FRMD4A: variants seen among roughly 807,000 people sequenced by gnomAD.
FRMD4A encodes FERM domain containing 4A, also known as FERM domain-containing protein 4A.
In FRMD4A, 29 loss-of-function variants were observed where a neutral mutation model predicts 129.1. The observed-to-expected ratio is 0.22, with a 90% confidence interval of 0.17 to 0.31. The LOEUF is 0.31. Ranked by LOEUF, FRMD4A falls within the 10% of genes least tolerant of loss-of-function variation. FRMD4A has a pLI of 1.00. For synonymous variants in FRMD4A, 634 were observed against 571.6 expected, an observed-to-expected ratio of 1.11 and a Z score of -1.56; for missense variants, 1,272 against 1,375.8, an observed-to-expected ratio of 0.92 and a Z score of 1.19.
intron 2 of FRMD4A, among the ~76,000 whole-genome samples, chr10:14,011,405 G>A (rs915390534): frequency 1.3e-5 from 2 of 152,110 alleles, no homozygotes; most frequent in Admixed American, 1.3e-4. Flanking sequence ...TAGAGCCAGG[G>A]GCCAGGTCAC....
At chr10:14,276,888 T>C (rs1230346903) in intron 2 of FRMD4A, among the ~76,000 whole-genome samples, 1 of 152,100 alleles carries the variant, frequency 6.6e-6, no homozygotes, top group East Asian at 1.9e-4. Flanking sequence ...TTTATTTGAG[T>C]CAGGGTCTCA....
chr10:13,968,316 TA>T (rs1418904082), intron 2 of FRMD4A, among the ~76,000 whole-genome samples: 1 of 152,214 alleles, frequency 6.6e-6, no homozygotes, highest in African/African-American at 2.4e-5. Context: ...AAGTACTGCT[TA>T]AAATCGCTAA....
intron 2 of FRMD4A, among the ~76,000 whole-genome samples, chr10:13,988,776 G>GTCTA (rs887584327): frequency 7.9e-5 from 12 of 151,762 alleles, no homozygotes; most frequent in Admixed American, 4.6e-4. Flanking sequence ...CTATCCATCC[G>GTCTA]TCTATCTATC....
chr10:14,039,832 G>A (rs1165873690), intron 2 of FRMD4A, among the ~76,000 whole-genome samples: 3 of 152,092 alleles, frequency 2.0e-5, no homozygotes, highest in Admixed American at 6.5e-5. Flanking sequence ...GGCGCATGTC[G>A]TCAGGACCTC....
chr10:14,185,456 A>T (rs764112259), intron 2 of FRMD4A, among the ~76,000 whole-genome samples: 5 of 152,358 alleles, frequency 3.3e-5, no homozygotes, highest in Non-Finnish European at 7.3e-5. Flanking sequence ...CGTGGCAGAA[A>T]TTAGTACAAA....
chr10:14,088,278 C>G (rs193075564), intron 2 of FRMD4A, among the ~76,000 whole-genome samples: 211 of 151,906 alleles, frequency 1.4e-3, no homozygotes, highest in African/African-American at 4.7e-3. Flanking sequence ...GAAACCCTGT[C>G]TCTATTTAAA....
At chr10:14,097,175 A>G (rs1230095482) in intron 2 of FRMD4A, 3 of 149,658 alleles carry the variant, frequency 2.0e-5, no homozygotes, top group Non-Finnish European at 3.0e-5. Flanking sequence ...AAAGAAAAGA[A>G]AAGAAAAGGT....
At chr10:13,857,819 GAAC>G (rs35119276) in intron 3 of FRMD4A, among the ~76,000 whole-genome samples, 73,253 of 151,684 alleles carry the variant, frequency 0.48, 17,612 homozygotes, top group East Asian at 0.63. Context: ...AATTGGCATT[GAAC>G]AACAGATCTG....
At position 14,038,115 on chromosome 10, in the gene FRMD4A, G is replaced by A. The variant is rs143055851; in HGVS notation, c.46-179203C>T. On this transcript the variant is annotated intron_variant, in intron 2 of 24. Transcript: ENST00000357447. ...AGGCGGGTGGATCACGAAGTCAGGA[G>A]ATCGAGACCATCCTGGCTAACACAG... is the stretch of plus-strand genomic sequence containing the variant. 1.4e-3 allele frequency among the ~76,000 whole-genome samples: 209 copies of A among 152,316 alleles called. 1 individual carries two copies. The highest frequency in any genetic ancestry group is 4.6e-3 in the African/African-American group (190 of 41,578).
intron 17 of FRMD4A, among the ~76,000 whole-genome samples, chr10:13,666,784 G>T (rs747020990): frequency 6.6e-6 from 1 of 152,048 alleles, no homozygotes; most frequent in Non-Finnish European, 1.5e-5. Context: ...GCTAATGCAC[G>T]GGCCTCTGAC....
intron 2 of FRMD4A, among the ~76,000 whole-genome samples, chr10:13,946,932 A>G (rs770733245): frequency 4.6e-5 from 7 of 152,138 alleles, no homozygotes; most frequent in Non-Finnish European, 5.9e-5. Flanking sequence ...CAGACATGGG[A>G]CAAATGATTA....
chr10:14,263,340 G>A (rs1053692797), intron 2 of FRMD4A, among the ~76,000 whole-genome samples: 6 of 152,196 alleles, frequency 3.9e-5, no homozygotes, highest in African/African-American at 1.4e-4. Context: ...GGGGGAAGGG[G>A]ACGGGCCCCA....
intron 2 of FRMD4A, among the ~76,000 whole-genome samples, chr10:14,103,747 C>A (rs2131779372): frequency 6.6e-6 from 1 of 152,276 alleles, no homozygotes; most frequent in South Asian, 2.1e-4. Context: ...ACTTGCCCGC[C>A]CTATGGCCAG....
chr10:13,814,891 G>C (rs780023269), intron 3 of FRMD4A, among the ~76,000 whole-genome samples: 2 of 152,060 alleles, frequency 1.3e-5, no homozygotes, highest in African/African-American at 4.8e-5. Flanking sequence ...TTGGGGAAGG[G>C]AGATGAACCC....
At chr10:14,220,742 C>T (rs545923444) in intron 2 of FRMD4A, among the ~76,000 whole-genome samples, 2 of 151,970 alleles carry the variant, frequency 1.3e-5, no homozygotes, top group East Asian at 3.9e-4. Context: ...GGCTTGGCAG[C>T]CCTGGCATAC....
chr10:13,768,349 C>A (rs57290641), intron 6 of FRMD4A, among the ~76,000 whole-genome samples: 3,856 of 152,186 alleles, frequency 0.025, 87 homozygotes, highest in African/African-American at 0.053. Flanking sequence ...AGCCGGAGGG[C>A]CTCTTTGCTC....
At chr10:13,892,816 A>G (rs537092068) in intron 2 of FRMD4A, among the ~76,000 whole-genome samples, 1 of 152,182 alleles carries the variant, frequency 6.6e-6, no homozygotes, top group Non-Finnish European at 1.5e-5. Flanking sequence ...GAGGACTTAC[A>G]AACTTCGTAA....
At chr10:14,167,391 G>T (rs927122014) in intron 2 of FRMD4A, among the ~76,000 whole-genome samples, 1 of 151,780 alleles carries the variant, frequency 6.6e-6, no homozygotes, top group Non-Finnish European at 1.5e-5. Context: ...AATTAGCCGG[G>T]TGTGGTGGTG....
intron 14 of FRMD4A, among the ~76,000 whole-genome samples, chr10:13,700,261 TTTCTC>T (rs1395110591): frequency 5.4e-5 from 7 of 129,482 alleles, no homozygotes; most frequent in Non-Finnish European, 1.0e-4. Context: ...TCCTCTTTTC[TTTCTC>T]TTATCACCTC....
Sources: gnomAD v4.1 joint callset for allele counts (sites outside exome capture counted in the v4.1 genomes callset) on GRCh38, gnomAD v4.1.1 for gene constraint, MANE v1.5 for transcripts, NCBI Gene and HGNC (gene_info 2026-07-23, HGNC 2026-07-21) for gene names.